NPAS2: variants seen among roughly 807,000 people sequenced by gnomAD.
NPAS2 encodes neuronal PAS domain protein 2.
NPAS2 carries 23 observed loss-of-function variants against 107.5 expected under a neutral mutation model. The ratio of observed to expected loss-of-function variants is 0.21; its 90% confidence interval spans 0.15 to 0.30. The LOEUF is 0.30. Ranked by LOEUF, NPAS2 falls within the 10% of genes least tolerant of loss-of-function variation. The probability of loss-of-function intolerance (pLI) is 1.00; values close to 1 mark genes in which losing one functional copy is unlikely to be tolerated. For missense variants in NPAS2, 756 were observed against 1,043.3 expected (o/e 0.72, Z 3.79); for synonymous variants, 403 against 417.5 (o/e 0.97, Z 0.42).
At chr2:100,951,108 G>A (rs184958187) in intron 7 of NPAS2, among the ~76,000 whole-genome samples, 114 of 152,266 alleles carry the variant, frequency 7.5e-4, no homozygotes, top group Non-Finnish European at 1.1e-3. Flanking sequence ...GGAATGTGCC[G>A]TTGGGGAGTA....
At chr2:100,990,509 CT>C in intron 18 of NPAS2, 63 bp downstream of exon 18, 1 of 1,534,346 alleles carries the variant, frequency 6.5e-7, no homozygotes, top group Non-Finnish European at 9.0e-7. Flanking sequence ...CATTTCAGCT[CT>C]ACTTTCTGCT....
chr2:100,992,737 AAATGTCAGCCCC>A (rs1380759237), intron 19 of NPAS2, among the ~76,000 whole-genome samples: 1 of 152,092 alleles, frequency 6.6e-6, no homozygotes, highest in Non-Finnish European at 1.5e-5. Flanking sequence ...CTCTTTGGAG[AAATGTCAGCCCC>A]AATGCCCATT....
chr2:100,980,594 C>T (rs1012471296), intron 15 of NPAS2, among the ~76,000 whole-genome samples: 1 of 152,046 alleles, frequency 6.6e-6, no homozygotes, highest in Non-Finnish European at 1.5e-5. Context: ...CTCAGCCTCC[C>T]GAGTAGCTGA....
At chr2:100,939,215 A>G (rs1445250261) in intron 5 of NPAS2, among the ~76,000 whole-genome samples, 2 of 151,842 alleles carry the variant, frequency 1.3e-5, no homozygotes, top group Non-Finnish European at 2.9e-5. Flanking sequence ...CGCTGCCTAC[A>G]TTTTTCTTTG....
chr2:100,954,146 A>G (rs1260415571), intron 7 of NPAS2, among the ~76,000 whole-genome samples: 1 of 152,142 alleles, frequency 6.6e-6, no homozygotes, highest in Non-Finnish European at 1.5e-5. Flanking sequence ...AGCTGTCCCT[A>G]ATTATCTGGT....
chr2:100,845,319 C>T (rs1677707686), intron 1 of NPAS2, among the ~76,000 whole-genome samples: 1 of 152,188 alleles, frequency 6.6e-6, no homozygotes, highest in Non-Finnish European at 1.5e-5. Context: ...TGACGTGGAG[C>T]AGGCTGGCTC....
rs556362541 is a variant in NPAS2, at chr2:100,913,346, A to C, written c.32+8560A>C. Among the ~76,000 whole-genome samples, 62 of 152,100 alleles carry C rather than the reference A, an allele frequency of 4.1e-4. 1 individual carries two copies. Among genetic ancestry groups the C allele is most frequent in the Middle Eastern group, 3.4e-3 (1 of 294 alleles). On this transcript the variant is annotated intron_variant, in intron 2 of 20. Coordinates refer to ENST00000335681, the MANE Select transcript of NPAS2 (RefSeq NM_002518.4). Reference sequence around the variant, plus strand: ...GAAAGCATTTAATTTATGAGCTTTCACTCCATTTGGTCAACTGTCTTTGAT... The same window carrying C: ...GAAAGCATTTAATTTATGAGCTTTCCCTCCATTTGGTCAACTGTCTTTGAT...
In NPAS2 at chr2:100,968,059, C is replaced by G. The variant is rs769671336; in HGVS notation, c.908-222C>G. 3.9e-5 allele frequency among the ~76,000 whole-genome samples: 6 copies of G among 152,196 alleles called. No homozygotes were observed. The highest frequency in any genetic ancestry group is 7.2e-5 in the African/African-American group (3 of 41,446). ...CTTATCTGAGGATCTCTTTAAGCGTCTGAGCATTTGGGAAAGTATATGGAT... is the reference window on the plus strand; with the variant it reads ...CTTATCTGAGGATCTCTTTAAGCGTGTGAGCATTTGGGAAAGTATATGGAT... On this transcript the variant is annotated intron_variant, in intron 10 of 20. Coordinates refer to ENST00000335681, the MANE Select transcript of NPAS2 (RefSeq NM_002518.4). This position sits in a 1 kb window ranked among gnomAD's most constrained non-coding sequence, Gnocchi z 5.3.
intron 1 of NPAS2, among the ~76,000 whole-genome samples, chr2:100,882,425 C>T (rs568285223): frequency 1.3e-5 from 2 of 152,140 alleles, no homozygotes; most frequent in East Asian, 1.9e-4. Flanking sequence ...CTGGCTAACA[C>T]AGTGAAACCC....
At chr2:100,827,006 A>C (rs3849376) in intron 1 of NPAS2, among the ~76,000 whole-genome samples, 44,883 of 152,102 alleles carry the variant, frequency 0.3, 9,725 homozygotes, top group African/African-American at 0.61. Flanking sequence ...TAATAGTTAT[A>C]CTTGTTTTGG....
At chr2:100,876,034 C>A (rs1679944435) in intron 1 of NPAS2, among the ~76,000 whole-genome samples, 1 of 152,196 alleles carries the variant, frequency 6.6e-6, no homozygotes, top group Non-Finnish European at 1.5e-5. Context: ...CCATTACACT[C>A]CAGTGGATCG....
In NPAS2 at chr2:100,948,373, G is replaced by A. The variant is rs780862107; in HGVS notation, c.484+18G>A. On this transcript the variant is annotated intron_variant, in intron 6 of 20. Transcript: ENST00000335681. ...CTTAAAATGTAAGTTTAATTTTTCT[G>A]GTTTTACAAGCTAGAAAGATAAGAA... The A allele has an allele frequency of 1.0e-5, 16 of 1,582,356 alleles. No homozygotes were observed. The highest frequency in any genetic ancestry group is 3.7e-5 in the Admixed American group (2 of 54,264).
chr2:100,988,327 T>C (rs1247032322), intron 17 of NPAS2, 51 bp downstream of exon 17: 1 of 1,514,562 alleles, frequency 6.6e-7, no homozygotes, highest in Non-Finnish European at 9.1e-7. Context: ...GCAGACACCC[T>C]CTTGCAGTTT....
At chr2:100,954,114 G>A (rs927060278) in intron 7 of NPAS2, among the ~76,000 whole-genome samples, 1 of 152,198 alleles carries the variant, frequency 6.6e-6, no homozygotes, top group African/African-American at 2.4e-5. Flanking sequence ...ATGAATAAGT[G>A]TAGTGGGATC....
At chr2:100,951,813 G>A (rs977115364) in intron 7 of NPAS2, among the ~76,000 whole-genome samples, 1 of 152,016 alleles carries the variant, frequency 6.6e-6, no homozygotes, top group South Asian at 2.1e-4. Flanking sequence ...ACTTCAAAAC[G>A]GTTACGATGG....
At chr2:100,824,225 G>A (rs756010920) in intron 1 of NPAS2, among the ~76,000 whole-genome samples, 5 of 152,192 alleles carry the variant, frequency 3.3e-5, no homozygotes, top group African/African-American at 9.7e-5. Flanking sequence ...AAGGCCGGCC[G>A]TGGAGAACCG....
At chr2:100,954,664 C>CAAAAAAAAAAAA (rs1194534141) in intron 7 of NPAS2, among the ~76,000 whole-genome samples, 9 of 81,338 alleles carry the variant, frequency 1.1e-4, no homozygotes, top group East Asian at 2.6e-4. Flanking sequence ...AACTGTGTCT[C>CAAAAAAAAAAAA]AAAAAAAAAA....
intron 1 of NPAS2, among the ~76,000 whole-genome samples, chr2:100,828,844 C>T (rs1238307599): frequency 2.0e-5 from 3 of 152,076 alleles, no homozygotes; most frequent in Non-Finnish European, 4.4e-5. Context: ...TCTCCAGCTT[C>T]GTTCTTTCTG....
At chr2:100,907,878 C>T (rs147981922) in intron 2 of NPAS2, among the ~76,000 whole-genome samples, 6 of 152,218 alleles carry the variant, frequency 3.9e-5, no homozygotes, top group East Asian at 1.9e-4. Context: ...TCAGGGAAGA[C>T]GCAAAAATAT....
Sources: gnomAD v4.1 joint callset for allele counts (sites outside exome capture counted in the v4.1 genomes callset) on GRCh38, gnomAD v4.1.1 for gene constraint, Gnocchi (gnomAD v3.1) non-coding constraint, MANE v1.5 for transcripts, NCBI Gene and HGNC (gene_info 2026-07-23, HGNC 2026-07-21) for gene names.